Variants in TBXAS1 observed in about 807,000 individuals in gnomAD.
TBXAS1 encodes thromboxane A synthase 1.
A neutral mutation model predicts 60.7 loss-of-function variants in TBXAS1; 48 were observed. The observed-to-expected ratio is 0.79, with a 90% CI of 0.63 to 1.01. The LOEUF is 1.01. TBXAS1 is among the 50% of genes least tolerant of loss of function. The pLI, the probability that TBXAS1 is intolerant of heterozygous loss-of-function variation, is 0.00. For missense variants in TBXAS1, 685 were observed against 686.3 expected, an observed-to-expected ratio of 1.00 and a Z score of 0.02; for synonymous variants, 287 against 269.7, an observed-to-expected ratio of 1.06 and a Z score of -0.63.
intron 4 of TBXAS1, among the ~76,000 whole-genome samples, chr7:139,794,904 C>T (rs1251567827): frequency 1.4e-5 from 2 of 147,290 alleles, no homozygotes; most frequent in Non-Finnish European, 3.0e-5. Context: ...TTTCTTAATC[C>T]AGTCTATCAT....
intron 9 of TBXAS1, among the ~76,000 whole-genome samples, chr7:139,984,827 AAG>A (rs1471439867): frequency 2.7e-5 from 4 of 147,230 alleles, no homozygotes; most frequent in African/African-American, 1.1e-4. Context: ...AAGAAGAAGA[AAG>A]AAAGAGGAAG....
At chr7:139,926,973 G>A (rs1216575728) in intron 4 of TBXAS1, among the ~76,000 whole-genome samples, 1 of 151,470 alleles carries the variant, frequency 6.6e-6, no homozygotes, top group East Asian at 1.9e-4. Context: ...GATTTCTAGG[G>A]TTTCTTTTTT....
chr7:139,800,124 A>G (rs894471638), intron 4 of TBXAS1, among the ~76,000 whole-genome samples: 6 of 152,086 alleles, frequency 3.9e-5, no homozygotes, highest in African/African-American at 1.4e-4. Flanking sequence ...CCCTTTATTG[A>G]GACTCTGGAA....
chr7:139,901,495 C>T (rs17161224), intron 3 of TBXAS1, among the ~76,000 whole-genome samples: 3,157 of 151,420 alleles, frequency 0.021, 126 homozygotes, highest in African/African-American at 0.072. Context: ...TTGCGTGTGC[C>T]CTACAGTGTA....
intron 4 of TBXAS1, among the ~76,000 whole-genome samples, chr7:139,926,028 G>C (rs1806849266): frequency 1.3e-5 from 2 of 152,130 alleles, no homozygotes; most frequent in African/African-American, 4.8e-5. Flanking sequence ...GTTGAACTCA[G>C]TTTGCTAGTA....
chr7:139,789,008 A>G (rs1277015015), intron 4 of TBXAS1, among the ~76,000 whole-genome samples: 1 of 151,462 alleles, frequency 6.6e-6, no homozygotes, highest in Non-Finnish European at 1.5e-5. Flanking sequence ...CCCACCTTAT[A>G]AATCATTAGC....
intron 5 of TBXAS1, among the ~76,000 whole-genome samples, chr7:139,940,291 A>C (rs1415667388): frequency 1.3e-5 from 2 of 152,164 alleles, no homozygotes; most frequent in Non-Finnish European, 2.9e-5. Flanking sequence ...ATTCCTCCCC[A>C]AAACCTCCTG....
chr7:139,826,687 G>A (rs183019623), upstream of TBXAS1, among the ~76,000 whole-genome samples: 4 of 152,138 alleles, frequency 2.6e-5, no homozygotes, highest in African/African-American at 4.8e-5. Flanking sequence ...AGATTTACCC[G>A]CTAGGTGTGT....
rs545246353 is a variant in TBXAS1, at chr7:139,807,801, C to T, written c.-80+20375C>T. Among the ~76,000 whole-genome samples, 9 of 152,252 alleles carry T rather than the reference C, an allele frequency of 5.9e-5. No individual in the cohort carries two copies. In the East Asian group the frequency reaches 1.7e-3, roughly 29 times the overall value. On this transcript the variant is annotated intron_variant, in intron 4 of 16. Coordinates refer to the TBXAS1 transcript ENST00000336425. ...CCATGTATTTTCCCAGCTTTCTGCA[C>T]AGCTTGGAGTTCCCTGTGTTTATTT...
chr7:139,834,619 G>C (rs573198555), intron 1 of TBXAS1, among the ~76,000 whole-genome samples: 1 of 152,216 alleles, frequency 6.6e-6, no homozygotes, highest in African/African-American at 2.4e-5. Flanking sequence ...TAACGTCACT[G>C]AGAAATGCAA....
chr7:139,958,862 A>G (rs968036638), intron 8 of TBXAS1, among the ~76,000 whole-genome samples: 2 of 152,242 alleles, frequency 1.3e-5, no homozygotes, highest in Non-Finnish European at 2.9e-5. Context: ...TCCCTGCCCC[A>G]GCTCTGAAGC....
At chr7:139,994,426 C>T (rs1813148305) in intron 9 of TBXAS1, among the ~76,000 whole-genome samples, 1 of 152,258 alleles carries the variant, frequency 6.6e-6, no homozygotes, top group African/African-American at 2.4e-5. Flanking sequence ...CTAAGCTGGC[C>T]ACACAAATGG....
intron 6 of TBXAS1, 105 bp downstream of exon 6, chr7:139,953,561 A>C (rs1396612615): frequency 2.7e-6 from 3 of 1,091,736 alleles, no homozygotes; most frequent in Non-Finnish European, 4.2e-6. Context: ...AACTGTGGAA[A>C]CGCTAGAAGC....
rs375792037 is a variant in TBXAS1, at chr7:139,962,216, G to A, written c.1117G>A (p.Val373Ile). The A allele has an allele frequency of 5.6e-6, 9 of 1,614,174 alleles. No individual in the cohort carries two copies. The African/African-American group carries it at 8.0e-5, about 14-fold the overall frequency. The change falls in exon 9 of 13, where the codon GTT becomes ATT. Residue 373 changes from valine to isoleucine, a missense_variant. Coordinates refer to ENST00000448866, the MANE Select transcript of TBXAS1 (RefSeq NM_001061.7). ...CQEKLLREVD[V>I]FKEKHMAPEF... ...AGAGAAGCTTCTGAGAGAGGTAGAC[G>A]TTTTTAAGGAGAAACACGTGAGTAC...
intron 1 of TBXAS1, among the ~76,000 whole-genome samples, chr7:139,860,101 C>T (rs1311429212): frequency 6.6e-6 from 1 of 152,192 alleles, no homozygotes; most frequent in Non-Finnish European, 1.5e-5. Flanking sequence ...TGCCACTGCA[C>T]TCCAGCCTGG....
Position 140,013,374 on chromosome 7 carries a change from G to A in TBXAS1, c.1227-2349G>A, listed in dbSNP as rs969523812. On this transcript the variant is annotated intron_variant, in intron 10 of 12. Coordinates refer to ENST00000448866, the MANE Select transcript of TBXAS1 (RefSeq NM_001061.7). The surrounding 1 kb of genome is among the most constrained non-coding windows in gnomAD (Gnocchi z 4.2). Reference sequence around the variant, plus strand: ...CAGAGAGGAAGTCACTGACACAGGTGGTCTCGATGCTCACTCCAAGAGTTG... The same window carrying A: ...CAGAGAGGAAGTCACTGACACAGGTAGTCTCGATGCTCACTCCAAGAGTTG... Among the ~76,000 whole-genome samples the A allele has an allele frequency of 6.6e-6, 1 of 152,178 alleles. No individual in the cohort carries two copies. Among genetic ancestry groups the A allele is most frequent in the Non-Finnish European group, 1.5e-5 (1 of 68,024 alleles).
intron 3 of TBXAS1, among the ~76,000 whole-genome samples, chr7:139,883,943 C>G (rs1802887558): frequency 1.3e-5 from 2 of 152,118 alleles, no homozygotes; most frequent in South Asian, 2.1e-4. Flanking sequence ...ATTTCATGAC[C>G]ACTAGTGAGT....
chr7:139,951,417 A>G (rs933636226), intron 5 of TBXAS1, among the ~76,000 whole-genome samples: 1 of 151,680 alleles, frequency 6.6e-6, no homozygotes, highest in Non-Finnish European at 1.5e-5. Flanking sequence ...TGAGAGCAAT[A>G]AGGCAGGAGG....
chr7:139,930,829 G>C (rs1186376523), intron 4 of TBXAS1, among the ~76,000 whole-genome samples: 10 of 152,138 alleles, frequency 6.6e-5, no homozygotes, highest in African/African-American at 2.4e-4. Context: ...AGGGAAATCA[G>C]TTAGGGGCTG....
Sources: gnomAD v4.1 joint callset for allele counts (sites outside exome capture counted in the v4.1 genomes callset) on GRCh38, gnomAD v4.1.1 for gene constraint, Gnocchi (gnomAD v3.1) non-coding constraint, MANE v1.5 for transcripts, NCBI Gene and HGNC (gene_info 2026-07-23, HGNC 2026-07-21) for gene names.